Variants in NEDD4L observed in about 807,000 individuals in gnomAD.
NEDD4L encodes NEDD4 like E3 ubiquitin protein ligase, also known as E3 ubiquitin-protein ligase NEDD4-like.
NEDD4L carries 54 observed loss-of-function variants against 148.9 expected under a neutral mutation model. That is an observed-to-expected ratio of 0.36 (90% confidence interval 0.29 to 0.45). The LOEUF is 0.45. Among genes scored for constraint, NEDD4L ranks in the 20% least tolerant of loss-of-function variants. The probability of loss-of-function intolerance (pLI) is 1.00; values close to 1 mark genes in which losing one functional copy is unlikely to be tolerated. For missense variants in NEDD4L, 856 were observed against 1,233.8 expected (o/e 0.69, Z 4.59); for synonymous variants, 433 against 440.7 (o/e 0.98, Z 0.22).
intron 1 of NEDD4L, among the ~76,000 whole-genome samples, chr18:58,057,398 G>GT (rs2082136046): frequency 6.6e-6 from 1 of 152,176 alleles, no homozygotes; most frequent in African/African-American, 2.4e-5. Flanking sequence ...TCACAGTGGG[G>GT]TAGCTGGCTG....
At chr18:58,138,759 G>A (rs774378022) in intron 1 of NEDD4L, among the ~76,000 whole-genome samples, 2 of 152,208 alleles carry the variant, frequency 1.3e-5, no homozygotes, top group African/African-American at 2.4e-5. Flanking sequence ...GAGAAAGCAA[G>A]CTCTGTTGTG....
At chr18:58,127,319 A>G (rs1260023799) in intron 1 of NEDD4L, among the ~76,000 whole-genome samples, 4 of 152,198 alleles carry the variant, frequency 2.6e-5, no homozygotes, top group Non-Finnish European at 5.9e-5. Flanking sequence ...TCATCACAGG[A>G]CGACATTCTG....
At chr18:58,093,055 GA>G (rs2084179251) in intron 1 of NEDD4L, among the ~76,000 whole-genome samples, 1 of 151,966 alleles carries the variant, frequency 6.6e-6, no homozygotes, top group African/African-American at 2.4e-5. Context: ...AGTAGGGACG[GA>G]GTATTCCCTC....
In NEDD4L at chr18:58,294,752, C is replaced by CT. The variant is rs2055312183; in HGVS notation, c.298-21229dup. On this transcript the variant is annotated intron_variant, in intron 5 of 30. Transcript: ENST00000400345. ...CCAGGCTGGTCTTGAACTCCCGGGCCTCAGGCAATCCTCCTGCCTCAGCCT... is the reference window on the plus strand; with the variant it reads ...CCAGGCTGGTCTTGAACTCCCGGGCCTTCAGGCAATCCTCCTGCCTCAGCCT... 2.0e-5 allele frequency among the ~76,000 whole-genome samples: 3 copies of CT among 151,852 alleles called. 1 individual carries two copies. In the South Asian group the frequency reaches 6.2e-4, roughly 32 times the overall value.
intron 16 of NEDD4L, among the ~76,000 whole-genome samples, chr18:58,348,526 A>G (rs141174542): frequency 0.041 from 6,145 of 151,522 alleles, 409 homozygotes; most frequent in African/African-American, 0.14. Context: ...ACGGAGTTTC[A>G]CCATGTTGGC....
chr18:58,224,517 C>CT (rs1289108045), intron 2 of NEDD4L, among the ~76,000 whole-genome samples: 5 of 152,152 alleles, frequency 3.3e-5, no homozygotes, highest in African/African-American at 1.2e-4. Flanking sequence ...CTCTCTTGCC[C>CT]TGTTTTGTTG....
intron 24 of NEDD4L, among the ~76,000 whole-genome samples, chr18:58,379,514 T>C (rs899171031): frequency 2.6e-5 from 4 of 152,136 alleles, no homozygotes; most frequent in African/African-American, 4.8e-5. Context: ...GTTAGAGTGA[T>C]GGTGAGACAG....
chr18:58,252,116 G>T, intron 5 of NEDD4L, 62 bp downstream of exon 5: 1 of 1,071,244 alleles, frequency 9.3e-7, no homozygotes, highest in Non-Finnish European at 1.5e-6. Context: ...TTTCAGAGCA[G>T]CGTCTTTAAA....
At chr18:58,108,416 A>G (rs978609041) in intron 1 of NEDD4L, among the ~76,000 whole-genome samples, 5 of 152,052 alleles carry the variant, frequency 3.3e-5, no homozygotes, top group Admixed American at 6.6e-5. Context: ...TTATTATTTT[A>G]TTTCATTTTT....
intron 5 of NEDD4L, among the ~76,000 whole-genome samples, chr18:58,309,308 C>G (rs1242840243): frequency 6.6e-6 from 1 of 152,184 alleles, no homozygotes; most frequent in Non-Finnish European, 1.5e-5. Flanking sequence ...GCAAACTCCT[C>G]CCTCAGGACC....
chr18:58,189,314 C>T (rs960429618), intron 2 of NEDD4L, among the ~76,000 whole-genome samples: 1 of 152,148 alleles, frequency 6.6e-6, no homozygotes, highest in African/African-American at 2.4e-5. Flanking sequence ...CTCTGGGGTA[C>T]GTCTCTTCCA....
Position 58,256,661 on chromosome 18 carries a change from A to T in NEDD4L, c.297+4607A>T. ...CACATTTAAGATCAGGCAGGATCAG[A>T]ACGCGGGGCAGCAGCATTTTAGAAT... On this transcript the variant is annotated intron_variant, in intron 5 of 30. Coordinates refer to ENST00000400345, the MANE Select transcript of NEDD4L (RefSeq NM_001144967.3). This position sits in a 1 kb window ranked among gnomAD's most constrained non-coding sequence, Gnocchi z 5.2. 1 of 1,232,228 alleles carries T rather than the reference A, an allele frequency of 8.1e-7. No homozygotes were observed. Among genetic ancestry groups the T allele is most frequent in the Non-Finnish European group, 1.0e-6 (1 of 988,016 alleles). The allele number at this position is 1,232,228 out of a possible 1,614,324, so 76.3% of individuals were successfully genotyped here.
rs535378574 is a variant in NEDD4L at position 58,352,674 on chromosome 18, T to C, written c.1708+1629T>C. 7.2e-5 allele frequency among the ~76,000 whole-genome samples: 11 copies of C among 152,204 alleles called. No homozygotes were observed. The East Asian group carries it at 1.5e-3, about 21-fold the overall frequency. On this transcript the variant is annotated intron_variant, in intron 18 of 30. Coordinates refer to ENST00000400345, the MANE Select transcript of NEDD4L (RefSeq NM_001144967.3). ...GCTGTCTCAAAAAAAAAGAAAAAAGTTTCCTTTATAGTATTTTTTATACAT... is the reference window on the plus strand; with the variant it reads ...GCTGTCTCAAAAAAAAAGAAAAAAGCTTCCTTTATAGTATTTTTTATACAT...
intron 2 of NEDD4L, among the ~76,000 whole-genome samples, chr18:58,231,162 ATTGC>A (rs2045151355): frequency 6.8e-6 from 1 of 147,660 alleles, no homozygotes; most frequent in South Asian, 2.2e-4. Flanking sequence ...AGGTGGGAGA[ATTGC>A]TTGAGCCCAG....
Position 58,248,263 on chromosome 18 carries a change from C to T in NEDD4L, c.205-636C>T. On this transcript the variant is annotated intron_variant, in intron 3 of 30. Transcript: ENST00000400345. ...GAGGACAAAGGTATCCTTGCCATCTCCTTGTGAGATGTACATTTAAGTAGA... is the reference window on the plus strand; with the variant it reads ...GAGGACAAAGGTATCCTTGCCATCTTCTTGTGAGATGTACATTTAAGTAGA... 1.3e-5 allele frequency among the ~76,000 whole-genome samples: 2 copies of T among 152,130 alleles called. 1 individual carries two copies. The highest frequency in any genetic ancestry group is 2.9e-5 in the Non-Finnish European group (2 of 68,036).
intron 1 of NEDD4L, among the ~76,000 whole-genome samples, chr18:58,082,102 A>ATATATATATATATATATATTTTTTTTTTT: frequency 2.0e-5 from 1 of 48,856 alleles, no homozygotes; most frequent in African/African-American, 1.3e-4. Flanking sequence ...ATATATATAT[A>ATATATATATATATATATATTTTTTTTTTT]TTTTTTTTTT....
chr18:58,094,184 TTTTTC>T (rs1446967745), intron 1 of NEDD4L, among the ~76,000 whole-genome samples: 1 of 151,548 alleles, frequency 6.6e-6, no homozygotes, highest in Non-Finnish European at 1.5e-5. Context: ...TTTTTTTTAA[TTTTTC>T]TTTTCTTTTT....
chr18:58,377,412 A>T (rs1310466248), intron 24 of NEDD4L, among the ~76,000 whole-genome samples: 1 of 152,124 alleles, frequency 6.6e-6, no homozygotes, highest in Non-Finnish European at 1.5e-5. Context: ...TTAATTTCAC[A>T]GTTAGAAATA....
chr18:58,096,342 ATTTTATTTAT>A (rs1231649695), intron 1 of NEDD4L, among the ~76,000 whole-genome samples: 7 of 141,890 alleles, frequency 4.9e-5, no homozygotes, highest in South Asian at 2.2e-4. Flanking sequence ...TGATTATTTT[ATTTTATTTAT>A]TTTATTTTAT....
Sources: gnomAD v4.1 joint callset for allele counts (sites outside exome capture counted in the v4.1 genomes callset) on GRCh38, gnomAD v4.1.1 for gene constraint, Gnocchi (gnomAD v3.1) non-coding constraint, MANE v1.5 for transcripts, NCBI Gene and HGNC (gene_info 2026-07-23, HGNC 2026-07-21) for gene names.